PPARGC1A: variants seen among roughly 807,000 people sequenced by gnomAD.
PPARGC1A encodes peroxisome proliferator-activated receptor gamma coactivator 1-alpha.
Under a neutral mutation model 88.7 loss-of-function variants are expected in PPARGC1A, and 25 were observed. The ratio of observed to expected loss-of-function variants is 0.28; its 90% CI spans 0.21 to 0.39. The LOEUF (loss-of-function observed/expected upper bound fraction) is 0.39. Ranked by LOEUF, PPARGC1A falls within the 10% of genes least tolerant of loss-of-function variation. The pLI, the probability that PPARGC1A is intolerant of heterozygous loss-of-function variation, is 1.00. For synonymous variants in PPARGC1A, 363 were observed against 355.6 expected, an observed-to-expected ratio of 1.02 and a Z score of -0.24; for missense variants, 880 against 968.7, an observed-to-expected ratio of 0.91 and a Z score of 1.22.
the PPARGC1A span, among the ~76,000 whole-genome samples, chr4:24,235,081 AG>A: frequency 6.6e-6 from 1 of 152,192 alleles, no homozygotes; most frequent in Non-Finnish European, 1.5e-5. Context: ...TGATGCATCA[AG>A]AAAAAACTCC....
the PPARGC1A span, among the ~76,000 whole-genome samples, chr4:23,913,245 TATATATA>T: frequency 8.2e-5 from 3 of 36,710 alleles, no homozygotes; most frequent in Non-Finnish European, 1.6e-4. Context: ...ATATATTTTA[TATATATA>T]TATATATATA....
At chr4:23,867,519 T>A (rs954975194) in intron 2 of PPARGC1A, among the ~76,000 whole-genome samples, 1 of 152,194 alleles carries the variant, frequency 6.6e-6, no homozygotes, top group African/African-American at 2.4e-5. Context: ...CTAAAAAAGA[T>A]AACTCACCAG....
the PPARGC1A span, among the ~76,000 whole-genome samples, chr4:24,213,458 G>A: frequency 1.3e-5 from 2 of 152,112 alleles, no homozygotes; most frequent in South Asian, 2.1e-4. Flanking sequence ...GAGCCACCGC[G>A]CCCGGCCGAT....
chr4:23,905,316 C>A (rs946962792), upstream of PPARGC1A, among the ~76,000 whole-genome samples: 2 of 152,138 alleles, frequency 1.3e-5, no homozygotes, highest in Non-Finnish European at 2.9e-5. Flanking sequence ...CCCAGATAAC[C>A]CTTTTCATTT....
the PPARGC1A span, among the ~76,000 whole-genome samples, chr4:24,311,589 A>G: frequency 2.0e-5 from 3 of 151,812 alleles, no homozygotes; most frequent in Non-Finnish European, 4.4e-5. Flanking sequence ...GCAGTGAGCC[A>G]AGATCACACC....
the PPARGC1A span, among the ~76,000 whole-genome samples, chr4:24,287,079 C>A: frequency 3.9e-5 from 6 of 152,014 alleles, no homozygotes; most frequent in Non-Finnish European, 7.4e-5. Flanking sequence ...ACGGTACCAC[C>A]GACATTCATT....
chr4:24,016,025 T>G, the PPARGC1A span, among the ~76,000 whole-genome samples: 1 of 152,158 alleles, frequency 6.6e-6, no homozygotes, highest in Non-Finnish European at 1.5e-5. Flanking sequence ...TTTTGTTTGA[T>G]AAAATCACTG....
chr4:24,287,917 C>T, the PPARGC1A span, among the ~76,000 whole-genome samples: 3 of 152,090 alleles, frequency 2.0e-5, no homozygotes, highest in African/African-American at 7.2e-5. Context: ...TAAACGTTGA[C>T]TGTGAGGCAA....
the PPARGC1A span, among the ~76,000 whole-genome samples, chr4:24,383,323 G>A: frequency 2.6e-5 from 4 of 152,118 alleles, no homozygotes; most frequent in Non-Finnish European, 4.4e-5. Context: ...CTTCTCCTTC[G>A]AAGGATCAAA....
At chr4:24,028,262 T>C in the PPARGC1A span, among the ~76,000 whole-genome samples, 21 of 152,210 alleles carry the variant, frequency 1.4e-4, no homozygotes, top group African/African-American at 2.4e-4. Context: ...ACAATTTCTT[T>C]CATAGAATAA....
chr4:24,277,612 C>T, the PPARGC1A span, among the ~76,000 whole-genome samples: 3 of 152,164 alleles, frequency 2.0e-5, no homozygotes, highest in Non-Finnish European at 4.4e-5. Context: ...AAAAAGACTC[C>T]ATGAAATACA....
chr4:24,038,634 G>A, the PPARGC1A span, among the ~76,000 whole-genome samples: 3 of 152,050 alleles, frequency 2.0e-5, no homozygotes, highest in Admixed American at 1.3e-4. Context: ...TATTTTCTCC[G>A]GGATCCTCAA....
At chr4:24,206,840 TAAA>T in the PPARGC1A span, among the ~76,000 whole-genome samples, 269 of 43,570 alleles carry the variant, frequency 6.2e-3, no homozygotes, top group Non-Finnish European at 9.9e-3. Flanking sequence ...GACTTCACCT[TAAA>T]AAAAAAAAAA....
chr4:24,157,789 T>C, the PPARGC1A span, among the ~76,000 whole-genome samples: 1 of 152,132 alleles, frequency 6.6e-6, no homozygotes, highest in Non-Finnish European at 1.5e-5. Flanking sequence ...TTGGTCTGAA[T>C]CTTGGCGGCA....
chr4:24,125,701 AG>A, the PPARGC1A span, among the ~76,000 whole-genome samples: 6 of 152,144 alleles, frequency 3.9e-5, no homozygotes, highest in South Asian at 1.0e-3. Context: ...AGAAGATTAG[AG>A]GTTCATGTAA....
the PPARGC1A span, among the ~76,000 whole-genome samples, chr4:24,009,118 G>A: frequency 1.9e-5 from 2 of 106,316 alleles, no homozygotes; most frequent in Non-Finnish European, 3.4e-5. Context: ...TTGCTGCAAT[G>A]TGTCCCGCAG....
the PPARGC1A span, among the ~76,000 whole-genome samples, chr4:24,235,902 G>A: frequency 1.3e-5 from 2 of 152,056 alleles, no homozygotes; most frequent in Admixed American, 6.6e-5. Context: ...TTAGAGGGTG[G>A]GGGACCCACA....
the PPARGC1A span, among the ~76,000 whole-genome samples, chr4:24,048,017 T>G: frequency 6.6e-6 from 1 of 152,202 alleles, no homozygotes; most frequent in African/African-American, 2.4e-5. Context: ...ACTAAGCATG[T>G]CTTTTGATGT....
At chr4:24,075,240 G>C in the PPARGC1A span, among the ~76,000 whole-genome samples, 3 of 152,130 alleles carry the variant, frequency 2.0e-5, no homozygotes, top group African/African-American at 7.2e-5. Flanking sequence ...GGTTTCAAAT[G>C]GTAGATCAAG....
Sources: allele counts gnomAD v4.1 joint callset (sites outside exome capture counted in the v4.1 genomes callset), GRCh38; gene constraint gnomAD v4.1.1; transcripts MANE v1.5; gene names NCBI Gene and HGNC (gene_info 2026-07-23, HGNC 2026-07-21).